BCHE: variants seen among roughly 807,000 people sequenced by gnomAD.
The protein encoded by BCHE is butyrylcholinesterase.
In BCHE, 48 loss-of-function variants were observed where a neutral mutation model predicts 51.3. That is an observed-to-expected ratio of 0.94 (90% confidence interval 0.74 to 1.19). The LOEUF (loss-of-function observed/expected upper bound fraction) is 1.19. BCHE is among the 50% of genes most tolerant of loss of function. The pLI is 0.00. For missense variants in BCHE, 847 were observed against 708.2 expected, an observed-to-expected ratio of 1.20 and a Z score of -2.23; for synonymous variants, 251 against 238.0, an observed-to-expected ratio of 1.05 and a Z score of -0.50.
intron 2 of BCHE, chr3:165,828,202 A>C (rs902422127): frequency 2.7e-6 from 1 of 367,182 alleles, no homozygotes; most frequent in African/African-American, 2.1e-5. Flanking sequence ...ACCTTAAAAA[A>C]GTAGGACTTT....
In BCHE at chr3:165,773,568, T is replaced by TA; in HGVS notation, c.1685-63dup. 3 of 1,446,368 alleles carry TA rather than the reference T, an allele frequency of 2.1e-6. No individual in the cohort carries two copies. The African/African-American group carries it at 4.2e-5, about 20-fold the overall frequency. The allele number at this position is 1,446,368 out of a possible 1,614,324, so 89.6% of individuals were successfully genotyped here. A position where few individuals can be genotyped will look rare whatever the true frequency, so the allele number is the denominator to read the frequency against. ...TTTATCTGTTTCATTAACTGAAAAA[T>TA]AATTTCGAATACAAAAGCCATTTTC... is the stretch of plus-strand genomic sequence containing the variant. On this transcript the variant is annotated intron_variant, in intron 3 of 3. Coordinates refer to ENST00000264381, the MANE Select transcript of BCHE (RefSeq NM_000055.4).
At chr3:165,802,023 A>G (rs1713669592) in intron 2 of BCHE, among the ~76,000 whole-genome samples, 1 of 152,066 alleles carries the variant, frequency 6.6e-6, no homozygotes. Flanking sequence ...CCCCAGCCCA[A>G]ATATTTTATG....
chr3:165,827,691 A>G (rs74872014), intron 2 of BCHE, among the ~76,000 whole-genome samples: 2,711 of 152,178 alleles, frequency 0.018, 80 homozygotes, highest in African/African-American at 0.062. Flanking sequence ...TACAGTTCCT[A>G]GAATTTAAAG....
rs1441583436 is a variant in BCHE at position 165,830,416 on chromosome 3, A to G, written c.618T>C (p.Val206=). Reference sequence around the variant, plus strand: ...CACCAAAGGCTGCTATATTTTTTTGAACCCACTGAAGAGCCAACTGTTGAT... The same window carrying G: ...CACCAAAGGCTGCTATATTTTTTTGGACCCACTGAAGAGCCAACTGTTGAT... ...LFDQQLALQW[V]QKNIAAFGGN... is the part of the protein sequence containing the mutation. Residue 206 remains valine (V), a synonymous_variant, in exon 2 of 4, where the codon GTT becomes GTC. Coordinates refer to ENST00000264381, the MANE Select transcript of BCHE (RefSeq NM_000055.4). 3.1e-6 allele frequency: 5 copies of G among 1,613,714 alleles called. No individual in the cohort carries two copies. In the South Asian group the frequency reaches 4.4e-5, roughly 14 times the overall value.
In BCHE at chr3:165,829,956, A is replaced by G; in HGVS notation, c.1078T>C (p.Tyr360His). 1 of 1,613,760 alleles carries G rather than the reference A, an allele frequency of 6.2e-7. No individual in the cohort carries two copies. The highest frequency in any genetic ancestry group is 1.1e-5 in the South Asian group (1 of 91,068). Reference protein sequence around the residue: ...NKDEGTAFLVYGAPGFSKDNN... With the variant: ...NKDEGTAFLVHGAPGFSKDNN... ...TCTTTGCTGAAGCCAGGAGCACCAT[A>G]GACTAAAAAAGCTGTCCCTTCATCT... Residue 360 changes from tyrosine to histidine, a missense_variant, in exon 2 of 4, where the codon TAT becomes CAT. Transcript: ENST00000264381.
intron 2 of BCHE, among the ~76,000 whole-genome samples, chr3:165,813,968 G>A (rs147600859): frequency 1.9e-3 from 286 of 152,078 alleles, no homozygotes; most frequent in African/African-American, 6.7e-3. Context: ...GATGGAGAAA[G>A]CAAGATTAGG....
intron 2 of BCHE, among the ~76,000 whole-genome samples, chr3:165,791,340 T>C (rs559894886): frequency 1.3e-5 from 2 of 152,156 alleles, no homozygotes; most frequent in Admixed American, 1.3e-4. Context: ...TTACATTGTT[T>C]AAAAGATCAT....
intron 1 of BCHE, among the ~76,000 whole-genome samples, chr3:165,833,561 C>T: frequency 6.6e-6 from 1 of 152,068 alleles, no homozygotes; most frequent in Non-Finnish European, 1.5e-5. Context: ...ATTGAAGCAT[C>T]ATTATGTATT....
chr3:165,775,479 C>A (rs536828610), intron 3 of BCHE, among the ~76,000 whole-genome samples: 3 of 151,376 alleles, frequency 2.0e-5, no homozygotes, highest in Non-Finnish European at 4.4e-5. Context: ...TAAAAAATAA[C>A]AAAATGTTGT....
At chr3:165,803,128 A>C (rs1682077456) in intron 2 of BCHE, among the ~76,000 whole-genome samples, 1 of 152,370 alleles carries the variant, frequency 6.6e-6, no homozygotes, top group Middle Eastern at 3.4e-3. Flanking sequence ...GAGGTTGGGA[A>C]GGTGGGAAGA....
At chr3:165,794,749 CATG>C (rs1245449780) in intron 2 of BCHE, among the ~76,000 whole-genome samples, 1 of 152,070 alleles carries the variant, frequency 6.6e-6, no homozygotes, top group Non-Finnish European at 1.5e-5. Flanking sequence ...AGCAGACAAA[CATG>C]TGTGTGTGCA....
chr3:165,804,470 C>G (rs1358105084), intron 2 of BCHE, among the ~76,000 whole-genome samples: 1 of 151,912 alleles, frequency 6.6e-6, no homozygotes, highest in Non-Finnish European at 1.5e-5. Context: ...TAAAGTCTTG[C>G]ATAGTCATAT....
intron 2 of BCHE, among the ~76,000 whole-genome samples, chr3:165,806,727 T>A (rs1484232904): frequency 6.6e-6 from 1 of 152,134 alleles, no homozygotes. Context: ...TGTAAACACA[T>A]CTTTATAATA....
At chr3:165,778,774 T>C (rs780001882) in intron 3 of BCHE, 3 of 407,364 alleles carry the variant, frequency 7.4e-6, no homozygotes, top group South Asian at 5.1e-5. Context: ...CAAAAAAGAC[T>C]TTTTAAAAGA....
At chr3:165,796,767 G>C (rs945966589) in intron 2 of BCHE, among the ~76,000 whole-genome samples, 3 of 152,128 alleles carry the variant, frequency 2.0e-5, no homozygotes, top group African/African-American at 7.2e-5. Flanking sequence ...GTTGGATAGA[G>C]TCATGAAAAC....
chr3:165,775,259 T>C (rs1161264287), intron 3 of BCHE, among the ~76,000 whole-genome samples: 2 of 151,988 alleles, frequency 1.3e-5, no homozygotes, highest in African/African-American at 2.4e-5. Flanking sequence ...TATTTAGGTT[T>C]GAAATGTTCA....
intron 3 of BCHE, among the ~76,000 whole-genome samples, chr3:165,774,390 A>G (rs1712386378): frequency 6.6e-6 from 1 of 151,772 alleles, no homozygotes; most frequent in East Asian, 1.9e-4. Context: ...CTGGAGTGCA[A>G]TGGCGCCATC....
At chr3:165,836,367 A>G (rs576620582) in intron 1 of BCHE, among the ~76,000 whole-genome samples, 1 of 152,134 alleles carries the variant, frequency 6.6e-6, no homozygotes, top group South Asian at 2.1e-4. Flanking sequence ...AGTTTATATT[A>G]AGGAAGGCAT....
chr3:165,799,088 A>G (rs1248100327), intron 2 of BCHE, among the ~76,000 whole-genome samples: 2 of 152,118 alleles, frequency 1.3e-5, no homozygotes, highest in African/African-American at 4.8e-5. Context: ...AACTTAGAAA[A>G]CTTTGATAAA....
Sources: gnomAD v4.1 joint callset for allele counts (sites outside exome capture counted in the v4.1 genomes callset) on GRCh38, gnomAD v4.1.1 for gene constraint, MANE v1.5 for transcripts, NCBI Gene and HGNC (gene_info 2026-07-23, HGNC 2026-07-21) for gene names.